SMCO2: variants seen among roughly 807,000 people sequenced by gnomAD.
SMCO2 encodes single-pass membrane and coiled-coil domain-containing protein 2.
Under a neutral mutation model 29.5 loss-of-function variants are expected in SMCO2, and 25 were observed. The observed-to-expected ratio is 0.85, with a 90% CI of 0.62 to 1.18. The LOEUF (loss-of-function observed/expected upper bound fraction) is 1.18, where lower values mean the gene tolerates loss of function less well. SMCO2 is among the 50% of genes most tolerant of loss of function. SMCO2 has a pLI of 0.00. For synonymous variants in SMCO2, 117 were observed against 123.3 expected (o/e 0.95, Z 0.34); for missense variants, 348 against 344.5 (o/e 1.01, Z -0.08).
At chr12:27,462,765 A>G (rs2135534659), upstream of SMCO2, among the ~76,000 whole-genome samples, 1 of 152,318 alleles carries the variant, frequency 6.6e-6, no homozygotes, top group African/African-American at 2.4e-5. Flanking sequence ...AAATATTACA[A>G]ACCCCTCCAG....
the SMCO2 span, among the ~76,000 whole-genome samples, chr12:27,456,115 T>A: frequency 6.6e-6 from 1 of 152,198 alleles, no homozygotes; most frequent in Non-Finnish European, 1.5e-5. Context: ...CTCGGGAGGC[T>A]GAGGCAGGAG....
At chr12:27,462,997 A>G (rs1004169349), upstream of SMCO2, among the ~76,000 whole-genome samples, 6 of 152,178 alleles carry the variant, frequency 3.9e-5, no homozygotes, top group African/African-American at 1.4e-4. Context: ...AGGTGGGACA[A>G]GCTGGGACTA....
At chr12:27,500,142 TTAAC>T (rs1376588915) in intron 7 of SMCO2, among the ~76,000 whole-genome samples, 1 of 145,290 alleles carries the variant, frequency 6.9e-6, no homozygotes, top group Non-Finnish European at 1.5e-5. Flanking sequence ...TTCAATTTAG[TTAAC>T]TATTTTTTTT....
At chr12:27,491,715 T>C (rs1450734397) in intron 5 of SMCO2, among the ~76,000 whole-genome samples, 3 of 150,880 alleles carry the variant, frequency 2.0e-5, no homozygotes, top group Non-Finnish European at 4.4e-5. Context: ...TAGATCTTTT[T>C]TTTTTTTTGA....
At chr12:27,458,128 T>A in the SMCO2 span, among the ~76,000 whole-genome samples, 1 of 152,178 alleles carries the variant, frequency 6.6e-6, no homozygotes, top group African/African-American at 2.4e-5. Context: ...ATTACAAATT[T>A]AAAAACCTAG....
At chr12:27,433,538 C>G in the SMCO2 span, among the ~76,000 whole-genome samples, 2 of 121,676 alleles carry the variant, frequency 1.6e-5, no homozygotes, top group African/African-American at 5.7e-5. Context: ...CACACACACA[C>G]ACACATATAT....
At chr12:27,463,779 G>A (rs938002347), upstream of SMCO2, among the ~76,000 whole-genome samples, 1 of 152,142 alleles carries the variant, frequency 6.6e-6, no homozygotes, top group Admixed American at 6.5e-5. Flanking sequence ...CATACCACAA[G>A]CAGTTAAAAT....
At chr12:27,447,209 C>T in the SMCO2 span, among the ~76,000 whole-genome samples, 2 of 152,140 alleles carry the variant, frequency 1.3e-5, no homozygotes, top group African/African-American at 4.8e-5. Context: ...ACTTCACTTT[C>T]ACCTCCAGCC....
chr12:27,501,438 C>CA (rs1565685326), intron 7 of SMCO2, among the ~76,000 whole-genome samples: 1 of 112,668 alleles, frequency 8.9e-6, no homozygotes, highest in East Asian at 2.6e-4. Flanking sequence ...AAAAAAAAAA[C>CA]AAACAAACAA....
At chr12:27,447,574 C>G in the SMCO2 span, among the ~76,000 whole-genome samples, 6 of 151,926 alleles carry the variant, frequency 3.9e-5, no homozygotes, top group Non-Finnish European at 8.8e-5. Context: ...CCTGGCAACA[C>G]AGCAAAACCT....
the SMCO2 span, among the ~76,000 whole-genome samples, chr12:27,436,074 C>G: frequency 1.3e-5 from 2 of 152,212 alleles, no homozygotes; most frequent in Non-Finnish European, 2.9e-5. Context: ...TGTGTCCTCA[C>G]ATGATAGAAA....
At chr12:27,449,188 A>C in the SMCO2 span, among the ~76,000 whole-genome samples, 1 of 152,214 alleles carries the variant, frequency 6.6e-6, no homozygotes, top group South Asian at 2.1e-4. Context: ...CGTGATCACA[A>C]AAAAAACATA....
chr12:27,497,923 A>C, intron 7 of SMCO2: 2 of 339,022 alleles, frequency 5.9e-6, no homozygotes, highest in Non-Finnish European at 1.2e-5. Context: ...AAGTAACTAG[A>C]GTCTCCCGTG....
chr12:27,460,722 G>A, the SMCO2 span, among the ~76,000 whole-genome samples: 2 of 152,076 alleles, frequency 1.3e-5, no homozygotes, highest in Non-Finnish European at 2.9e-5. Context: ...GTGGACTCTC[G>A]CAGTTCAAAC....
chr12:27,490,447 C>T (rs1218858708), intron 5 of SMCO2, among the ~76,000 whole-genome samples: 2 of 152,044 alleles, frequency 1.3e-5, no homozygotes, highest in Admixed American at 6.6e-5. Flanking sequence ...GGTTATTACA[C>T]AACAGAATGC....
At chr12:27,461,244 A>G in the SMCO2 span, among the ~76,000 whole-genome samples, 2 of 151,940 alleles carry the variant, frequency 1.3e-5, no homozygotes, top group African/African-American at 4.8e-5. Flanking sequence ...TTGTTATTTT[A>G]TATTGTTGAA....
At chr12:27,425,634 C>G in the SMCO2 span, among the ~76,000 whole-genome samples, 1 of 152,146 alleles carries the variant, frequency 6.6e-6, no homozygotes, top group Non-Finnish European at 1.5e-5. Flanking sequence ...TCAGAAGTTC[C>G]AAGCGTATAT....
upstream of SMCO2, among the ~76,000 whole-genome samples, chr12:27,465,105 C>T (rs888739703): frequency 6.6e-6 from 1 of 151,318 alleles, no homozygotes; most frequent in African/African-American, 2.4e-5. Context: ...GGCCGAGTAC[C>T]TGTGAGAACC....
At chr12:27,425,906 G>C in the SMCO2 span, among the ~76,000 whole-genome samples, 1 of 152,138 alleles carries the variant, frequency 6.6e-6, no homozygotes, top group African/African-American at 2.4e-5. Flanking sequence ...CCCCTTCAAG[G>C]ATGCCTTTAA....
Sources: allele counts gnomAD v4.1 joint callset (sites outside exome capture counted in the v4.1 genomes callset), GRCh38; gene constraint gnomAD v4.1.1; transcripts MANE v1.5; gene names NCBI Gene and HGNC (gene_info 2026-07-23, HGNC 2026-07-21).